GDAP1: variants seen among roughly 807,000 people sequenced by gnomAD.
The protein encoded by GDAP1 is ganglioside-induced differentiation-associated protein 1.
In GDAP1, 34 loss-of-function variants were observed where a neutral mutation model predicts 40.1. That is an observed-to-expected ratio of 0.85 (90% CI 0.64 to 1.13). The LOEUF is 1.13. Among genes scored for constraint, GDAP1 ranks in the 50% most tolerant of loss-of-function variants. The pLI, the probability that GDAP1 is intolerant of heterozygous loss-of-function variation, is 0.00. For synonymous variants in GDAP1, 170 were observed against 157.4 expected, an observed-to-expected ratio of 1.08 and a Z score of -0.60; for missense variants, 374 against 433.7, an observed-to-expected ratio of 0.86 and a Z score of 1.22.
At chr8:74,447,954 T>C (rs1218272909) in intron 2 of GDAP1, among the ~76,000 whole-genome samples, 6 of 152,190 alleles carry the variant, frequency 3.9e-5, no homozygotes, top group African/African-American at 1.2e-4. Context: ...ATAAAAACAA[T>C]TCTGAAATCT....
intron 4 of GDAP1, among the ~76,000 whole-genome samples, 150 bp from the exon 5 acceptor site, chr8:74,362,784 CTTTTT>C (rs1284434868): frequency 2.6e-4 from 16 of 60,454 alleles, no homozygotes; most frequent in Admixed American, 8.7e-4. Flanking sequence ...CTCTCTCTCT[CTTTTT>C]TTTTTTTTTT....
At chr8:74,441,513 G>A (rs1475297489) in intron 2 of GDAP1, among the ~76,000 whole-genome samples, 1 of 152,096 alleles carries the variant, frequency 6.6e-6, no homozygotes, top group Non-Finnish European at 1.5e-5. Context: ...GAATTTTTAT[G>A]GCCATGTGTT....
intron 2 of GDAP1, among the ~76,000 whole-genome samples, chr8:74,377,241 A>G (rs1360839529): frequency 1.4e-5 from 2 of 142,328 alleles, no homozygotes; most frequent in African/African-American, 2.6e-5. Context: ...AAAGACATTA[A>G]GAAAATGAAA....
chr8:74,446,822 AC>A (rs1806235655), intron 2 of GDAP1, among the ~76,000 whole-genome samples: 1 of 152,198 alleles, frequency 6.6e-6, no homozygotes, highest in Non-Finnish European at 1.5e-5. Flanking sequence ...ACCGTGTAAC[AC>A]ATGATTTCAT....
At chr8:74,404,150 C>T (rs997300485) in intron 2 of GDAP1, among the ~76,000 whole-genome samples, 2 of 149,820 alleles carry the variant, frequency 1.3e-5, no homozygotes, top group Non-Finnish European at 1.5e-5. Flanking sequence ...TACCTGCATA[C>T]TCTCATTTGA....
Position 74,365,545 on chromosome 8 carries a change from T to C in GDAP1, c.*1178T>C, listed in dbSNP as rs1183012813. 4.4e-6 allele frequency: 2 copies of C among 454,246 alleles called. No individual in the cohort carries two copies. Among genetic ancestry groups the C allele is most frequent in the African/African-American group, 4.0e-5 (2 of 49,958 alleles). 28.1% of individuals were successfully genotyped at this position (454,246 alleles called of 1,614,324 possible). On this transcript the variant is annotated 3_prime_UTR_variant, in exon 6 of 6. Coordinates refer to ENST00000220822, the MANE Select transcript of GDAP1 (RefSeq NM_018972.4). ...AAGACAGTTTCCCTGGAGCTGGCCA[T>C]GAAGGCCTTAGAAGCCATTTCTGGT...
intron 2 of GDAP1, among the ~76,000 whole-genome samples, chr8:74,399,825 A>G (rs1461146774): frequency 1.5e-5 from 2 of 136,852 alleles, no homozygotes; most frequent in Non-Finnish European, 3.0e-5. Context: ...GTCATTCAGG[A>G]GCAGGTTGTT....
chr8:74,399,711 A>T, intron 2 of GDAP1, among the ~76,000 whole-genome samples: 1 of 117,216 alleles, frequency 8.5e-6, no homozygotes, highest in Non-Finnish European at 1.7e-5. Flanking sequence ...CCCTCTACAC[A>T]CTGCTTTGAA....
chr8:74,427,455 T>C (rs1805961785), intron 2 of GDAP1, among the ~76,000 whole-genome samples: 1 of 152,222 alleles, frequency 6.6e-6, no homozygotes, highest in East Asian at 1.9e-4. Flanking sequence ...TTATGACACA[T>C]GACTCAATGG....
At chr8:74,420,146 A>G (rs1805837124) in intron 2 of GDAP1, among the ~76,000 whole-genome samples, 1 of 152,170 alleles carries the variant, frequency 6.6e-6, no homozygotes, top group Middle Eastern at 3.2e-3. Context: ...GATCCCATGC[A>G]ATTCCATATA....
intron 2 of GDAP1, among the ~76,000 whole-genome samples, chr8:74,455,559 CTGAG>C (rs533700414): frequency 1.3e-3 from 192 of 151,978 alleles, no homozygotes; most frequent in African/African-American, 4.5e-3. Flanking sequence ...AATATTCTTA[CTGAG>C]TATTTGTTCA....
intron 2 of GDAP1, among the ~76,000 whole-genome samples, chr8:74,397,149 G>T (rs1170681064): frequency 6.6e-6 from 1 of 150,982 alleles, no homozygotes; most frequent in Non-Finnish European, 1.5e-5. Flanking sequence ...ATGCATAAAA[G>T]TCTTCTCTTG....
chr8:74,477,363 G>A (rs551441356), intron 2 of GDAP1, among the ~76,000 whole-genome samples: 41 of 152,272 alleles, frequency 2.7e-4, no homozygotes, highest in Non-Finnish European at 2.5e-4. Flanking sequence ...AGGAAAGAAG[G>A]CACTCTGGTT....
At chr8:74,402,163 C>G (rs1378360046) in intron 2 of GDAP1, among the ~76,000 whole-genome samples, 1 of 150,434 alleles carries the variant, frequency 6.6e-6, no homozygotes, top group Non-Finnish European at 1.5e-5. Context: ...AGAGGTGGAG[C>G]CTACAGAGGC....
At chr8:74,383,560 T>A (rs16938899) in intron 2 of GDAP1, among the ~76,000 whole-genome samples, 1 of 152,276 alleles carries the variant, frequency 6.6e-6, no homozygotes, top group South Asian at 2.1e-4. Context: ...AAAAATGTGT[T>A]TCTCTAGCAA....
chr8:74,470,174 T>A (rs1294571440), intron 2 of GDAP1, among the ~76,000 whole-genome samples: 1 of 152,108 alleles, frequency 6.6e-6, no homozygotes, highest in Non-Finnish European at 1.5e-5. Flanking sequence ...AGTTTTCAAA[T>A]TTATTTGCTT....
intron 2 of GDAP1, among the ~76,000 whole-genome samples, chr8:74,381,915 G>C (rs537333164): frequency 6.6e-6 from 1 of 152,100 alleles, no homozygotes; most frequent in African/African-American, 2.4e-5. Context: ...TATATCAGTA[G>C]TTGGCTTATC....
chr8:74,354,516 A>T (rs1471233599), intron 2 of GDAP1, among the ~76,000 whole-genome samples: 1 of 152,230 alleles, frequency 6.6e-6, no homozygotes, highest in East Asian at 1.9e-4. Flanking sequence ...TGACTAGCTT[A>T]TAAAATATTT....
intron 2 of GDAP1, among the ~76,000 whole-genome samples, chr8:74,375,618 T>C (rs571851103): frequency 2.0e-5 from 3 of 152,294 alleles, no homozygotes; most frequent in East Asian, 1.9e-4. Context: ...ATACTAGAAA[T>C]AGAAGGAAAC....
Sources: allele counts gnomAD v4.1 joint callset (sites outside exome capture counted in the v4.1 genomes callset), GRCh38; gene constraint gnomAD v4.1.1; transcripts MANE v1.5; gene names NCBI Gene and HGNC (gene_info 2026-07-23, HGNC 2026-07-21).